CFAP299: variants seen among roughly 807,000 people sequenced by gnomAD.
CFAP299 encodes the protein cilia and flagella associated protein 299.
Under a neutral mutation model 27.0 loss-of-function variants are expected in CFAP299, and 21 were observed. The ratio of observed to expected loss-of-function variants is 0.78; its 90% CI spans 0.55 to 1.12. The LOEUF is 1.12. CFAP299 is among the 50% of genes most tolerant of loss of function. The probability of loss-of-function intolerance (pLI) is 0.00; values close to 1 mark genes in which losing one functional copy is unlikely to be tolerated. For synonymous variants in CFAP299, 104 were observed against 98.1 expected (o/e 1.06, Z -0.36); for missense variants, 310 against 276.6 (o/e 1.12, Z -0.86).
chr4:80,878,438 A>T (rs1208979654), intron 4 of CFAP299, among the ~76,000 whole-genome samples: 1 of 152,126 alleles, frequency 6.6e-6, no homozygotes, highest in East Asian at 1.9e-4. Context: ...ATATTGCATC[A>T]TATCAGGAAG....
chr4:80,831,687 G>T (rs1332147981), intron 3 of CFAP299, among the ~76,000 whole-genome samples: 1 of 152,020 alleles, frequency 6.6e-6, no homozygotes, highest in Non-Finnish European at 1.5e-5. Flanking sequence ...TTAGTATATG[G>T]TATTTATCTG....
chr4:80,843,727 C>A (rs1250125398), intron 3 of CFAP299, among the ~76,000 whole-genome samples: 4 of 151,992 alleles, frequency 2.6e-5, no homozygotes, highest in African/African-American at 9.7e-5. Flanking sequence ...TTCTCCACAT[C>A]CTCTTCAGCA....
intron 2 of CFAP299, among the ~76,000 whole-genome samples, chr4:80,390,582 T>C (rs1479354248): frequency 6.2e-5 from 6 of 96,296 alleles, no homozygotes; most frequent in Admixed American, 3.0e-4. Context: ...TACACACATA[T>C]ATGTATATAT....
chr4:80,949,446 G>T (rs1737649936), intron 5 of CFAP299, among the ~76,000 whole-genome samples: 1 of 151,888 alleles, frequency 6.6e-6, no homozygotes, highest in East Asian at 1.9e-4. Flanking sequence ...AAGTGATAAT[G>T]GAGGAAGTAA....
chr4:80,326,842 C>T, the CFAP299 span, among the ~76,000 whole-genome samples: 1 of 152,052 alleles, frequency 6.6e-6, no homozygotes, highest in Non-Finnish European at 1.5e-5. Context: ...TCTATAATTA[C>T]AAAATTATAT....
chr4:80,829,163 T>C (rs1730158071), intron 3 of CFAP299, among the ~76,000 whole-genome samples: 1 of 151,868 alleles, frequency 6.6e-6, no homozygotes, highest in African/African-American at 2.4e-5. Context: ...GAGAAAATAA[T>C]TGCAAATCAT....
At chr4:80,743,610 G>A (rs533738225) in intron 3 of CFAP299, among the ~76,000 whole-genome samples, 1 of 152,238 alleles carries the variant, frequency 6.6e-6, no homozygotes, top group South Asian at 2.1e-4. Flanking sequence ...GCTGTTCAGT[G>A]GTATTTGAGA....
At chr4:80,517,764 A>G (rs1383847522) in intron 2 of CFAP299, among the ~76,000 whole-genome samples, 2 of 152,282 alleles carry the variant, frequency 1.3e-5, no homozygotes, top group East Asian at 3.9e-4. Flanking sequence ...TCAGTGGCCA[A>G]GGTATAGAAG....
At chr4:80,734,610 A>G (rs1385881699) in intron 3 of CFAP299, among the ~76,000 whole-genome samples, 1 of 152,142 alleles carries the variant, frequency 6.6e-6, no homozygotes, top group Non-Finnish European at 1.5e-5. Context: ...TCTTAGATTT[A>G]AGTCTTTAAT....
chr4:80,914,931 C>T (rs909231606), intron 4 of CFAP299, among the ~76,000 whole-genome samples: 1 of 151,934 alleles, frequency 6.6e-6, no homozygotes, highest in Non-Finnish European at 1.5e-5. Flanking sequence ...CTTTTGGTTT[C>T]GCAGATGTTC....
chr4:80,764,361 G>T (rs912241219), intron 3 of CFAP299, among the ~76,000 whole-genome samples: 1 of 152,112 alleles, frequency 6.6e-6, no homozygotes, highest in African/African-American at 2.4e-5. Flanking sequence ...ATCATCACTG[G>T]TCATTAGAGA....
At chr4:80,600,496 A>G (rs1396564366) in intron 3 of CFAP299, among the ~76,000 whole-genome samples, 2 of 152,160 alleles carry the variant, frequency 1.3e-5, no homozygotes, top group African/African-American at 2.4e-5. Flanking sequence ...CCAAATACAA[A>G]TATAATACAG....
At chr4:80,619,695 C>A (rs1050930529) in intron 3 of CFAP299, among the ~76,000 whole-genome samples, 1 of 152,058 alleles carries the variant, frequency 6.6e-6, no homozygotes, top group Non-Finnish European at 1.5e-5. Context: ...AGTTACAACT[C>A]TCTTGTGATT....
intron 2 of CFAP299, among the ~76,000 whole-genome samples, chr4:80,416,409 A>G (rs1432673795): frequency 6.6e-6 from 1 of 152,202 alleles, no homozygotes; most frequent in Non-Finnish European, 1.5e-5. Flanking sequence ...TCAAAGGTTT[A>G]TAATTTAGAA....
intron 3 of CFAP299, among the ~76,000 whole-genome samples, chr4:80,862,285 A>G (rs1732427910): frequency 2.0e-5 from 3 of 152,026 alleles, no homozygotes; most frequent in African/African-American, 7.2e-5. Flanking sequence ...CAGGAGAATC[A>G]CTTGAAACTG....
chr4:80,547,294 A>G (rs1031898575), intron 2 of CFAP299, among the ~76,000 whole-genome samples: 5 of 152,194 alleles, frequency 3.3e-5, no homozygotes, highest in African/African-American at 1.2e-4. Flanking sequence ...TTCTAATTCA[A>G]TTCAGCTGTT....
intron 3 of CFAP299, among the ~76,000 whole-genome samples, chr4:80,590,429 G>C (rs1414142197): frequency 6.6e-6 from 1 of 152,158 alleles, no homozygotes; most frequent in Non-Finnish European, 1.5e-5. Context: ...ACGAGGTCAG[G>C]AGTTCGAGAC....
intron 4 of CFAP299, among the ~76,000 whole-genome samples, chr4:80,908,233 T>A (rs1735284907): frequency 6.6e-6 from 1 of 152,210 alleles, no homozygotes; most frequent in African/African-American, 2.4e-5. Context: ...TGACACTGCA[T>A]CTGTATACAA....
rs567718254 is a variant in CFAP299, at chr4:80,932,282, A to G, written c.477-12528A>G. 1.2e-4 allele frequency among the ~76,000 whole-genome samples: 18 copies of G among 152,226 alleles called. No individual in the cohort carries two copies. In the South Asian group the frequency reaches 3.5e-3, roughly 30 times the overall value. On this transcript the variant is annotated intron_variant, in intron 4 of 5. Transcript: ENST00000358105. ...GATTATAGTAGGTTTTCCAACCATT[A>G]TCTGTATTTTCCTAAATGGCATATC...
Sources: gnomAD v4.1 joint callset for allele counts (sites outside exome capture counted in the v4.1 genomes callset) on GRCh38, gnomAD v4.1.1 for gene constraint, MANE v1.5 for transcripts, NCBI Gene and HGNC (gene_info 2026-07-23, HGNC 2026-07-21) for gene names.